DOCK3: variants seen among roughly 807,000 people sequenced by gnomAD.
The protein encoded by DOCK3 is dedicator of cytokinesis protein 3.
Under a neutral mutation model 265.6 loss-of-function variants are expected in DOCK3, and 60 were observed. That is an observed-to-expected ratio of 0.23 (90% CI 0.18 to 0.28). The LOEUF (loss-of-function observed/expected upper bound fraction) is 0.28. Ranked by LOEUF, DOCK3 falls within the 10% of genes least tolerant of loss-of-function variation. The pLI is 1.00. For missense variants in DOCK3, 1,981 were observed against 2,594.3 expected, an observed-to-expected ratio of 0.76 and a Z score of 5.14; for synonymous variants, 881 against 938.0, an observed-to-expected ratio of 0.94 and a Z score of 1.11.
intron 27 of DOCK3, among the ~76,000 whole-genome samples, chr3:51,282,660 AAAAAAAAAAG>A (rs1179825777): frequency 7.9e-6 from 1 of 126,194 alleles, no homozygotes; most frequent in Non-Finnish European, 1.6e-5. Context: ...TCTCAAAAAA[AAAAAAAAAAG>A]AAAAGAAAAG....
chr3:51,042,155 G>A (rs1441396139), intron 5 of DOCK3, among the ~76,000 whole-genome samples: 11 of 152,254 alleles, frequency 7.2e-5, no homozygotes, highest in Admixed American at 4.6e-4. Context: ...GGCCAATATC[G>A]TTAATGAATA....
chr3:51,381,640 C>T lies in DOCK3; in HGVS notation c.*81C>T. The T allele has an allele frequency of 1.2e-5, 17 of 1,433,086 alleles. No individual in the cohort carries two copies. Among genetic ancestry groups the T allele is most frequent in the Non-Finnish European group, 1.5e-5 (17 of 1,097,758 alleles). 88.8% of individuals were successfully genotyped at this position (1,433,086 alleles called of 1,614,324 possible). A position where few individuals can be genotyped will look rare whatever the true frequency, so the allele number is the denominator to read the frequency against. ...AGGTCTGAAAAGCAAGTCCCCCAGC[C>T]CCACCCCAGGGAGCCAGAGAGGCTT... On this transcript the variant is annotated 3_prime_UTR_variant, in exon 53 of 53. Transcript: ENST00000266037. The surrounding 1 kb of genome is among the most constrained non-coding windows in gnomAD (Gnocchi z 5.6).
chr3:51,132,275 C>G (rs1409935797), intron 9 of DOCK3, among the ~76,000 whole-genome samples: 4 of 152,186 alleles, frequency 2.6e-5, no homozygotes, highest in Non-Finnish European at 5.9e-5. Flanking sequence ...CCCTTAATAT[C>G]CATTCCCATC....
chr3:50,731,616 A>C (rs2038216250), intron 1 of DOCK3, among the ~76,000 whole-genome samples: 2 of 152,170 alleles, frequency 1.3e-5, no homozygotes, highest in Non-Finnish European at 2.9e-5. Context: ...AAAGAGAAGA[A>C]TATGCAGTCA....
At chr3:51,285,785 A>G (rs1294768202) in intron 27 of DOCK3, among the ~76,000 whole-genome samples, 1 of 151,992 alleles carries the variant, frequency 6.6e-6, no homozygotes, top group East Asian at 1.9e-4. Flanking sequence ...ATAAAAAAAA[A>G]TTAGCTGGGT....
intron 5 of DOCK3, among the ~76,000 whole-genome samples, chr3:51,004,982 G>A (rs900897336): frequency 6.7e-6 from 1 of 150,292 alleles, no homozygotes; most frequent in African/African-American, 2.5e-5. Flanking sequence ...GATTGGTGGA[G>A]CAACTAAGTC....
chr3:51,195,067 C>T (rs187388635), intron 12 of DOCK3, among the ~76,000 whole-genome samples: 8 of 152,098 alleles, frequency 5.3e-5, no homozygotes, highest in African/African-American at 1.2e-4. Flanking sequence ...CCTCATGATC[C>T]GCCCACCTTG....
At chr3:50,810,880 C>G (rs2043712232) in intron 2 of DOCK3, among the ~76,000 whole-genome samples, 1 of 152,258 alleles carries the variant, frequency 6.6e-6, no homozygotes, top group Admixed American at 6.5e-5. Flanking sequence ...AGTTCTATAT[C>G]TGGATGAAAT....
chr3:51,365,914 T>G (rs1009673781), intron 49 of DOCK3, among the ~76,000 whole-genome samples: 5 of 152,258 alleles, frequency 3.3e-5, no homozygotes, highest in Non-Finnish European at 5.9e-5. Context: ...GATTTTTGCA[T>G]TGATGTTCAT....
intron 3 of DOCK3, among the ~76,000 whole-genome samples, chr3:50,885,407 T>C (rs2048276481): frequency 6.6e-6 from 1 of 151,668 alleles, no homozygotes; most frequent in Non-Finnish European, 1.5e-5. Flanking sequence ...TTTCAACTCA[T>C]TTGGGTAAAT....
At chr3:51,322,880 C>T (rs2083828573) in intron 32 of DOCK3, among the ~76,000 whole-genome samples, 1 of 151,652 alleles carries the variant, frequency 6.6e-6, no homozygotes, top group Non-Finnish European at 1.5e-5. Context: ...GAGTCAAGAC[C>T]CATCGGTGTG....
At chr3:50,746,184 A>G (rs1444932722) in intron 1 of DOCK3, among the ~76,000 whole-genome samples, 1 of 146,982 alleles carries the variant, frequency 6.8e-6, no homozygotes, top group Non-Finnish European at 1.5e-5. Flanking sequence ...ATCTCGGCTC[A>G]CTGCAACCTC....
chr3:50,683,612 C>CTT (rs371710695), intron 1 of DOCK3, among the ~76,000 whole-genome samples: 14 of 152,118 alleles, frequency 9.2e-5, no homozygotes, highest in African/African-American at 3.4e-4. Flanking sequence ...GCTCCTTAGC[C>CTT]TTAGTTCATG....
rs142960731 is a variant in DOCK3, at chr3:51,139,500, C to T, written c.747-7049C>T. Reference sequence around the variant, plus strand: ...GGTGACCCTCATTAGCAAACTTCCACATACCACACAGAAGTTCTTCAGGAA... The same window carrying T: ...GGTGACCCTCATTAGCAAACTTCCATATACCACACAGAAGTTCTTCAGGAA... On this transcript the variant is annotated intron_variant, in intron 9 of 52. Coordinates refer to ENST00000266037, the MANE Select transcript of DOCK3 (RefSeq NM_004947.5). Among the ~76,000 whole-genome samples the T allele has an allele frequency of 1.4e-3, 208 of 152,292 alleles. 2 individuals are homozygous for T. The highest frequency in any genetic ancestry group is 4.8e-3 in the African/African-American group (198 of 41,564).
intron 5 of DOCK3, among the ~76,000 whole-genome samples, chr3:50,961,158 T>G (rs2108388166): frequency 6.6e-6 from 1 of 152,354 alleles, no homozygotes; most frequent in Admixed American, 6.5e-5. Flanking sequence ...TTCAGCTTTG[T>G]TCTTCTTTTT....
chr3:51,376,134 C>G (rs1376878203), intron 51 of DOCK3, among the ~76,000 whole-genome samples: 1 of 152,194 alleles, frequency 6.6e-6, no homozygotes, highest in Admixed American at 6.5e-5. Flanking sequence ...TAGAAAACTA[C>G]TTCCCTAGAC....
At chr3:51,196,999 T>C (rs1434138721) in intron 12 of DOCK3, among the ~76,000 whole-genome samples, 1 of 152,258 alleles carries the variant, frequency 6.6e-6, no homozygotes, top group Non-Finnish European at 1.5e-5. Flanking sequence ...TTCCTGTTTT[T>C]GAATTTACTT....
At chr3:51,012,430 T>C (rs2078989310) in intron 5 of DOCK3, among the ~76,000 whole-genome samples, 1 of 152,108 alleles carries the variant, frequency 6.6e-6, no homozygotes, top group African/African-American at 2.4e-5. Context: ...GCTCTGTGGG[T>C]GTGGGACCCT....
rs377132776 is a variant in DOCK3 at position 51,246,675 on chromosome 3, T to A, written c.2103-51T>A. Reference sequence around the variant, plus strand: ...ATTCAGGGCTACAGATGTTTCAAGCTGCATTACTTTTGAATTAAAGTGGGG... The same window carrying A: ...ATTCAGGGCTACAGATGTTTCAAGCAGCATTACTTTTGAATTAAAGTGGGG... On this transcript the variant is annotated intron_variant, in intron 21 of 52. Transcript: ENST00000266037. The A allele has an allele frequency of 3.9e-6, 6 of 1,539,646 alleles. No homozygotes were observed. The African/African-American group carries it at 8.2e-5, about 21-fold the overall frequency.
Sources: gnomAD v4.1 joint callset for allele counts (sites outside exome capture counted in the v4.1 genomes callset) on GRCh38, gnomAD v4.1.1 for gene constraint, Gnocchi (gnomAD v3.1) non-coding constraint, MANE v1.5 for transcripts, NCBI Gene and HGNC (gene_info 2026-07-23, HGNC 2026-07-21) for gene names.